MXD4: variants seen among roughly 807,000 people sequenced by gnomAD.
The protein encoded by MXD4 is MAX dimerization protein 4.
Under a neutral mutation model 24.5 loss-of-function variants are expected in MXD4, and 16 were observed. That is an observed-to-expected ratio of 0.65 (90% CI 0.44 to 0.99). The LOEUF is 0.99. MXD4 is among the 50% of genes least tolerant of loss of function. The pLI is 0.00. For missense variants in MXD4, 301 were observed against 301.5 expected, an observed-to-expected ratio of 1.00 and a Z score of 0.01; for synonymous variants, 164 against 134.2, an observed-to-expected ratio of 1.22 and a Z score of -1.54.
At chr4:2,259,018 C>G (rs968757831) in intron 2 of MXD4, 1 of 453,326 alleles carries the variant, frequency 2.2e-6, no homozygotes, top group African/African-American at 2.0e-5. Context: ...AGGCAGGACC[C>G]CACAGGCCAG....
chr4:2,251,289 TCCC>T, intron 4 of MXD4, 43 bp from the exon 5 acceptor site: 1 of 1,501,702 alleles, frequency 6.7e-7, no homozygotes, highest in South Asian at 1.3e-5. Flanking sequence ...GGAAGAGGAG[TCCC>T]CCCATCCCCC....
At chr4:2,250,931 T>C (rs1195150991) in intron 5 of MXD4, among the ~76,000 whole-genome samples, 153 bp downstream of exon 5, 1 of 151,598 alleles carries the variant, frequency 6.6e-6, no homozygotes, top group Admixed American at 6.6e-5. Context: ...TCCAGTCCCT[T>C]CTGCGCTTAG....
intron 3 of MXD4, chr4:2,253,899 G>C (rs998542921): frequency 6.6e-6 from 1 of 152,286 alleles, no homozygotes; most frequent in Non-Finnish European, 1.5e-5. Flanking sequence ...GACTACCCCA[G>C]TGCCTGGAAG....
chr4:2,258,684 T>C (rs1484829954), intron 2 of MXD4, among the ~76,000 whole-genome samples: 1 of 152,126 alleles, frequency 6.6e-6, no homozygotes, highest in East Asian at 1.9e-4. Context: ...ACCTTACCAA[T>C]GGGGACCAGG....
intron 3 of MXD4, chr4:2,254,608 A>C (rs1227172546): frequency 6.6e-6 from 1 of 152,282 alleles, no homozygotes; most frequent in Non-Finnish European, 1.5e-5. Context: ...AATACATATA[A>C]AAGACAAATG....
chr4:2,255,311 G>A (rs1260655430), intron 3 of MXD4: 1 of 456,110 alleles, frequency 2.2e-6, no homozygotes, highest in Non-Finnish European at 4.4e-6. Context: ...TGGGGTGCAG[G>A]GGAGGTCCGT....
chr4:2,252,657 C>T, intron 3 of MXD4, 135 bp from the exon 4 acceptor site: 2 of 636,370 alleles, frequency 3.1e-6, no homozygotes, highest in Non-Finnish European at 5.4e-6. Flanking sequence ...GGATCCCCTC[C>T]TGGCCTGGTT....
chr4:2,252,591 G>A (rs1020023307), intron 3 of MXD4, 69 bp from the exon 4 acceptor site: 2 of 1,031,996 alleles, frequency 1.9e-6, no homozygotes, highest in East Asian at 2.5e-5. Flanking sequence ...CCAGGGCCCT[G>A]CACAGACCCA....
At position 2,250,329 on chromosome 4, in the gene MXD4, C is replaced by T. The variant is rs1735291017; in HGVS notation, c.*215G>A. 3 of 631,406 alleles carry T rather than the reference C, an allele frequency of 4.8e-6. No homozygotes were observed. Among genetic ancestry groups the T allele is most frequent in the Non-Finnish European group, 8.0e-6 (3 of 373,962 alleles). 39.1% of individuals were successfully genotyped at this position (631,406 alleles called of 1,614,324 possible). ...CTCCGGATGTGGAAGCTGGGCCCTG[C>T]CTCCTTGCAGGGGACTCTGCCCAGC... On this transcript the variant is annotated 3_prime_UTR_variant, in exon 6 of 6. Transcript: ENST00000337190.
In MXD4 at chr4:2,261,885, G is replaced by A. The variant is rs769883101; in HGVS notation, c.64+32C>T. 1.3e-5 allele frequency: 19 copies of A among 1,408,510 alleles called. No homozygotes were observed. In the South Asian group the frequency reaches 1.7e-4, roughly 13 times the overall value. The allele number at this position is 1,408,510 out of a possible 1,614,324, so 87.3% of individuals were successfully genotyped here. A position where few individuals can be genotyped will look rare whatever the true frequency, so the allele number is the denominator to read the frequency against. On this transcript the variant is annotated intron_variant, in intron 1 of 5. Transcript: ENST00000337190. Reference sequence around the variant, plus strand: ...GGCACGGCCCCGCCGCCCGCCCACCGCCGCGGGCGCACAATGGGGTGCGAG... The same window carrying A: ...GGCACGGCCCCGCCGCCCGCCCACCACCGCGGGCGCACAATGGGGTGCGAG...
intron 3 of MXD4, 138 bp from the exon 4 acceptor site, chr4:2,252,660 G>A (rs137906944): frequency 3.2e-6 from 2 of 624,252 alleles, no homozygotes; most frequent in East Asian, 2.9e-5. Flanking sequence ...TCCCCTCCTG[G>A]CCTGGTTGGG....
intron 2 of MXD4, among the ~76,000 whole-genome samples, chr4:2,260,268 C>G (rs1340709128): frequency 1.3e-5 from 2 of 152,246 alleles, no homozygotes; most frequent in Non-Finnish European, 1.5e-5. Flanking sequence ...ATCTCAGGAA[C>G]AGGCGTCATC....
intron 2 of MXD4, chr4:2,260,464 A>G (rs2269487): frequency 0.21 from 93,169 of 436,286 alleles, 12,998 homozygotes; most frequent in African/African-American, 0.48. Context: ...TCAGCTTTGG[A>G]TTCTCCATGC....
At chr4:2,251,053 A>AG (rs770741650) in intron 5 of MXD4, 31 bp downstream of exon 5, 5 of 1,521,190 alleles carry the variant, frequency 3.3e-6, no homozygotes, top group Non-Finnish European at 4.4e-6. Flanking sequence ...CCGGAGGCCC[A>AG]GGTGAGGCTG....
At chr4:2,261,618 G>A (rs1577826131) in intron 2 of MXD4, 107 bp downstream of exon 2, 1 of 538,692 alleles carries the variant, frequency 1.9e-6, no homozygotes, top group Non-Finnish European at 2.4e-6. Flanking sequence ...GGCGCGCGGC[G>A]GCGGCGCTGA....
Position 2,262,001 on chromosome 4 carries a change from G to A in MXD4, c.-21C>T. The A allele has an allele frequency of 2.4e-6, 3 of 1,252,234 alleles. No homozygotes were observed. Among genetic ancestry groups the A allele is most frequent in the East Asian group, 3.7e-5 (1 of 26,980 alleles). 77.6% of individuals were successfully genotyped at this position (1,252,234 alleles called of 1,614,324 possible). A position where few individuals can be genotyped will look rare whatever the true frequency, so the allele number is the denominator to read the frequency against. On this transcript the variant is annotated 5_prime_UTR_variant, in exon 1 of 6. Coordinates refer to ENST00000337190, the MANE Select transcript of MXD4 (RefSeq NM_006454.3). ...TCCATCCTCCCGCCCGCGCCCGTCC[G>A]CCCCGGGACGGCGGCGGCCGCTGCC...
chr4:2,255,142 G>T, intron 3 of MXD4: 1 of 378,914 alleles, frequency 2.6e-6, no homozygotes, highest in South Asian at 1.9e-5. Flanking sequence ...TGACGCAGGC[G>T]GACAGGACTT....
intron 3 of MXD4, among the ~76,000 whole-genome samples, chr4:2,257,351 G>C (rs901230430): frequency 6.6e-6 from 1 of 152,140 alleles, no homozygotes; most frequent in Non-Finnish European, 1.5e-5. Flanking sequence ...CTGGCATGGG[G>C]GCTCCTGCCT....
chr4:2,255,424 T>C (rs1433545561), intron 3 of MXD4: 2 of 455,960 alleles, frequency 4.4e-6, no homozygotes, highest in South Asian at 1.5e-5. Context: ...CAGGTCCACC[T>C]GGCCCAAGAG....
Sources: gnomAD v4.1 joint callset for allele counts (sites outside exome capture counted in the v4.1 genomes callset) on GRCh38, gnomAD v4.1.1 for gene constraint, MANE v1.5 for transcripts, NCBI Gene and HGNC (gene_info 2026-07-23, HGNC 2026-07-21) for gene names.